The following C18orf63 variants were observed in gnomAD, a reference collection of about 807,000 sequenced individuals.
The protein encoded by C18orf63 is chromosome 18 open reading frame 63, also known as uncharacterized protein C18orf63.
Under a neutral mutation model 75.3 loss-of-function variants are expected in C18orf63, and 50 were observed. The ratio of observed to expected loss-of-function variants is 0.66; its 90% CI spans 0.53 to 0.84. The LOEUF (loss-of-function observed/expected upper bound fraction) is 0.84. Among genes scored for constraint, C18orf63 ranks in the 40% least tolerant of loss-of-function variants. The probability of loss-of-function intolerance (pLI) is 0.00; values close to 1 mark genes in which losing one functional copy is unlikely to be tolerated. For synonymous variants in C18orf63, 232 were observed against 267.6 expected (o/e 0.87, Z 1.30); for missense variants, 732 against 800.2 (o/e 0.91, Z 1.03).
chr18:74,318,984 G>A (rs1984073625), intron 2 of C18orf63, among the ~76,000 whole-genome samples: 1 of 152,094 alleles, frequency 6.6e-6, no homozygotes, highest in Non-Finnish European at 1.5e-5. Context: ...CAAGAAATAA[G>A]GAAGCCACTT....
intron 7 of C18orf63, among the ~76,000 whole-genome samples, chr18:74,337,541 G>A (rs1263222034): frequency 3.3e-5 from 5 of 152,006 alleles, no homozygotes; most frequent in African/African-American, 1.2e-4. Context: ...TCTCAGTTTA[G>A]TCCTCCCTCT....
intron 4 of C18orf63, among the ~76,000 whole-genome samples, 156 bp from the exon 5 acceptor site, chr18:74,327,791 A>T (rs982618518): frequency 8.5e-5 from 13 of 152,210 alleles, no homozygotes; most frequent in Non-Finnish European, 1.8e-4. Flanking sequence ...TAACTTTAGA[A>T]CCAGATGGGA....
chr18:74,353,538 A>C lies in C18orf63; in HGVS notation c.1271A>C (p.Asn424Thr). The change falls in exon 12 of 14, where the codon AAT (asparagine) becomes ACT (threonine). Residue 424 changes from asparagine (N) to threonine (T), a missense_variant. This residue lies in a region of C18orf63 where 495 missense variants were observed against 508.7 expected (regional missense o/e 0.97). Transcript: ENST00000579455. ...GGAAATACTCAAGTTCAGCACACAA[A>C]TCTTAGCTCCCAAAGCAACATCACC... ...NRGNTQVQHT[N>T]LSSQSNITPK... 6.5e-7 allele frequency: 1 copy of C among 1,536,620 alleles called. No homozygotes were observed. The highest frequency in any genetic ancestry group is 1.2e-5 in the South Asian group (1 of 84,056).
chr18:74,320,986 T>C (rs1260461453), intron 3 of C18orf63, among the ~76,000 whole-genome samples: 1 of 152,174 alleles, frequency 6.6e-6, no homozygotes, highest in Non-Finnish European at 1.5e-5. Context: ...TTTCTTCTAA[T>C]GGAACATTTT....
rs1379751422 is a variant in C18orf63, at chr18:74,353,884, T to C, written c.1617T>C (p.Asn539=). The C allele has an allele frequency of 6.5e-7, 1 of 1,535,960 alleles. No homozygotes were observed. Among genetic ancestry groups the C allele is most frequent in the South Asian group, 1.2e-5 (1 of 84,066 alleles). The change falls in exon 12 of 14, where the codon AAT becomes AAC. Residue 539 remains asparagine (N), a synonymous_variant. Transcript: ENST00000579455. ...RGKSTVSLNK[N]KQLSNSAVFV... ...AATCGACTGTGAGTTTAAACAAAAA[T>C]AAGCAACTATCTAATAGTGCAGTAT...
chr18:74,321,270 C>T (rs6566797), intron 3 of C18orf63, among the ~76,000 whole-genome samples: 2,045 of 152,004 alleles, frequency 0.013, 27 homozygotes, highest in South Asian at 0.046. Flanking sequence ...TATATGTCCA[C>T]CTCGTATTTT....
chr18:74,332,511 T>A (rs1171450287), intron 7 of C18orf63, among the ~76,000 whole-genome samples: 1 of 152,092 alleles, frequency 6.6e-6, no homozygotes. Context: ...AAGACCAGCC[T>A]GGCCAAAATG....
chr18:74,355,285 C>T (rs750184217), intron 13 of C18orf63, among the ~76,000 whole-genome samples: 7 of 151,722 alleles, frequency 4.6e-5, no homozygotes, highest in African/African-American at 9.7e-5. Context: ...TTCCTATATA[C>T]GTTATGATGT....
Position 74,328,059 on chromosome 18 carries a change from G to A in C18orf63, c.382+1G>A. The A allele has an allele frequency of 1.3e-6, 2 of 1,508,032 alleles. No individual in the cohort carries two copies. The highest frequency in any genetic ancestry group is 1.4e-5 in the African/African-American group (1 of 72,538). The allele number at this position is 1,508,032 out of a possible 1,614,324, so 93.4% of individuals were successfully genotyped here. A position where few individuals can be genotyped will look rare whatever the true frequency, so the allele number is the denominator to read the frequency against. ...AGAACTGGTCATCTCTTGATACAAG[G>A]TAACTTTATCTTTTTAGTCATTGGG... On this transcript the variant is annotated splice_donor_variant, in intron 5 of 13. Coordinates refer to ENST00000579455, the MANE Select transcript of C18orf63 (RefSeq NM_001174123.2). LOFTEE classifies it high-confidence loss of function.
rs540564732 is a variant in C18orf63 at position 74,327,917 on chromosome 18, G to T, written c.271-30G>T. 213 of 1,294,904 alleles carry T rather than the reference G, an allele frequency of 1.6e-4. 1 individual carries two copies. The South Asian group carries it at 2.5e-3, about 15-fold the overall frequency. 80.2% of individuals were successfully genotyped at this position (1,294,904 alleles called of 1,614,324 possible). A position where few individuals can be genotyped will look rare whatever the true frequency, so the allele number is the denominator to read the frequency against. On this transcript the variant is annotated intron_variant, in intron 4 of 13. Transcript: ENST00000579455. Reference sequence around the variant, plus strand: ...GCATACACAGCAATTGTTCTAAATTGGCCCATATTTTGCCATTTAATATTT... The same window carrying T: ...GCATACACAGCAATTGTTCTAAATTTGCCCATATTTTGCCATTTAATATTT...
intron 10 of C18orf63, among the ~76,000 whole-genome samples, chr18:74,343,097 G>A (rs566413476): frequency 6.6e-6 from 1 of 152,210 alleles, no homozygotes; most frequent in South Asian, 2.1e-4. Flanking sequence ...CTTTCTCAAA[G>A]AACTGCTTTT....
chr18:74,325,059 G>A (rs7236071), intron 4 of C18orf63, among the ~76,000 whole-genome samples: 30,629 of 152,114 alleles, frequency 0.2, 3,284 homozygotes, highest in African/African-American at 0.27. Context: ...TGGGGATAAA[G>A]CTGTGAACCA....
At chr18:74,317,750 A>C in intron 1 of C18orf63, 84 bp from the exon 2 acceptor site, 1 of 754,174 alleles carries the variant, frequency 1.3e-6, no homozygotes, top group Non-Finnish European at 1.9e-6. Context: ...TTCTAAAACA[A>C]TATCAAATAT....
intron 11 of C18orf63, among the ~76,000 whole-genome samples, chr18:74,349,480 GA>G (rs898046859): frequency 5.3e-5 from 8 of 152,108 alleles, no homozygotes; most frequent in African/African-American, 1.9e-4. Context: ...AGGAGGAGGT[GA>G]GTAGCAGGAG....
At position 74,358,682 on chromosome 18, in the gene C18orf63, A is replaced by C. The variant is rs571667703; in HGVS notation, c.*2235A>C. The C allele has an allele frequency of 3.3e-5, 5 of 152,250 alleles. No individual in the cohort carries two copies. Among genetic ancestry groups the C allele is most frequent in the Non-Finnish European group, 7.4e-5 (5 of 67,994 alleles). 9.4% of individuals were successfully genotyped at this position (152,250 alleles called of 1,614,324 possible). ...GAACCATTTTAATTTTAAAACCATA[A>C]GAAAATAATTTTATGTTTGCCTATG... On this transcript the variant is annotated 3_prime_UTR_variant, in exon 14 of 14. Coordinates refer to ENST00000579455, the MANE Select transcript of C18orf63 (RefSeq NM_001174123.2).
intron 4 of C18orf63, among the ~76,000 whole-genome samples, chr18:74,323,065 A>G (rs1295758562): frequency 6.6e-6 from 1 of 152,230 alleles, no homozygotes; most frequent in Non-Finnish European, 1.5e-5. Flanking sequence ...TATTGTCCAC[A>G]TTATATAGCT....
intron 1 of C18orf63, 42 bp downstream of exon 1, chr18:74,316,151 G>C (rs1295669709): frequency 6.6e-6 from 1 of 152,276 alleles, no homozygotes; most frequent in Non-Finnish European, 1.5e-5. Flanking sequence ...GGTTGCGGAG[G>C]AGCAGGTCAG....
intron 3 of C18orf63, among the ~76,000 whole-genome samples, chr18:74,322,284 G>A (rs1352384897): frequency 2.0e-5 from 3 of 152,132 alleles, no homozygotes; most frequent in South Asian, 4.1e-4. Flanking sequence ...TTGTCAGTCT[G>A]TTAGGTTACA....
chr18:74,318,815 G>C (rs1278132767), intron 2 of C18orf63, among the ~76,000 whole-genome samples: 1 of 150,274 alleles, frequency 6.7e-6, no homozygotes, highest in Non-Finnish European at 1.5e-5. Context: ...GGAAAGAAAA[G>C]CAGCTTAGAG....
Sources: allele counts gnomAD v4.1 joint callset (sites outside exome capture counted in the v4.1 genomes callset), GRCh38; gene constraint gnomAD v4.1.1; regional missense constraint gnomAD v4.1.1; transcripts MANE v1.5; gene names NCBI Gene and HGNC (gene_info 2026-07-23, HGNC 2026-07-21).